The following HLCS variants were observed in gnomAD, a reference collection of about 807,000 sequenced individuals.
HLCS encodes biotin--protein ligase.
In HLCS, 53 loss-of-function variants were observed where a neutral mutation model predicts 75.0. The ratio of observed to expected loss-of-function variants is 0.71; its 90% CI spans 0.57 to 0.89. HLCS has a LOEUF of 0.89. Among genes scored for constraint, HLCS ranks in the 40% least tolerant of loss-of-function variants. The pLI, the probability that HLCS is intolerant of heterozygous loss-of-function variation, is 0.00. For missense variants in HLCS, 966 were observed against 1,074.0 expected, an observed-to-expected ratio of 0.90 and a Z score of 1.41; for synonymous variants, 431 against 428.6, an observed-to-expected ratio of 1.01 and a Z score of -0.07.
chr21:36,879,243 T>C (rs1051920997), intron 6 of HLCS, among the ~76,000 whole-genome samples: 1 of 152,240 alleles, frequency 6.6e-6, no homozygotes, highest in Non-Finnish European at 1.5e-5. Flanking sequence ...ATTCACCAAG[T>C]ATCTTCCAGA....
chr21:36,922,705 T>C (rs1191445411), intron 5 of HLCS, among the ~76,000 whole-genome samples: 1 of 152,070 alleles, frequency 6.6e-6, no homozygotes, highest in African/African-American at 2.4e-5. Context: ...ACAGGAGCGC[T>C]CTCCTTGCAC....
intron 6 of HLCS, among the ~76,000 whole-genome samples, chr21:36,767,663 G>A (rs1186111655): frequency 6.6e-6 from 1 of 151,620 alleles, no homozygotes; most frequent in Non-Finnish European, 1.5e-5. Flanking sequence ...GTGACAACTA[G>A]CAATTCCTGA....
intron 6 of HLCS, among the ~76,000 whole-genome samples, chr21:36,820,330 G>A (rs2061792855): frequency 6.6e-6 from 1 of 152,206 alleles, no homozygotes; most frequent in Non-Finnish European, 1.5e-5. Context: ...AGGGGCTGGA[G>A]CCCCACTCTC....
chr21:36,848,276 T>C (rs561745050), intron 6 of HLCS, among the ~76,000 whole-genome samples: 1 of 151,616 alleles, frequency 6.6e-6, no homozygotes, highest in East Asian at 1.9e-4. Flanking sequence ...TTGTTGTTTT[T>C]TTTTTTTTTT....
chr21:36,904,086 C>T (rs1414663674), intron 5 of HLCS, among the ~76,000 whole-genome samples: 1 of 152,160 alleles, frequency 6.6e-6, no homozygotes, highest in Non-Finnish European at 1.5e-5. Context: ...GCTAAATAAA[C>T]GTCTATTCTT....
chr21:36,821,384 A>AG (rs1345604236), intron 6 of HLCS, among the ~76,000 whole-genome samples: 2 of 152,160 alleles, frequency 1.3e-5, no homozygotes, highest in African/African-American at 4.8e-5. Context: ...ACCACTGCCA[A>AG]GAAGATGTGG....
At chr21:36,916,047 T>C (rs2065913675) in intron 5 of HLCS, among the ~76,000 whole-genome samples, 1 of 152,172 alleles carries the variant, frequency 6.6e-6, no homozygotes, top group Admixed American at 6.5e-5. Flanking sequence ...TAACAACATA[T>C]GGTCCTTGCT....
intron 5 of HLCS, among the ~76,000 whole-genome samples, chr21:36,913,545 G>A (rs553926296): frequency 6.6e-6 from 1 of 152,212 alleles, no homozygotes; most frequent in African/African-American, 2.4e-5. Flanking sequence ...CAGATCACCT[G>A]AGGCCAGGAG....
At chr21:36,864,494 C>T (rs993965115) in intron 6 of HLCS, among the ~76,000 whole-genome samples, 4 of 152,058 alleles carry the variant, frequency 2.6e-5, no homozygotes, top group African/African-American at 9.7e-5. Context: ...CAATTCCATC[C>T]TAATCCTGCT....
chr21:36,900,223 G>A (rs535862857), intron 5 of HLCS, among the ~76,000 whole-genome samples: 2 of 152,312 alleles, frequency 1.3e-5, no homozygotes, highest in Admixed American at 1.3e-4. Flanking sequence ...ACAGAAGAGA[G>A]GGAGGCCACT....
intron 6 of HLCS, among the ~76,000 whole-genome samples, chr21:36,786,090 G>T (rs142821605): frequency 5.3e-5 from 8 of 152,260 alleles, no homozygotes; most frequent in African/African-American, 1.9e-4. Flanking sequence ...AATGGGCCCA[G>T]ATGTAAAGCT....
chr21:36,860,346 C>T (rs991126392), intron 6 of HLCS, among the ~76,000 whole-genome samples: 2 of 149,938 alleles, frequency 1.3e-5, no homozygotes, highest in Non-Finnish European at 2.9e-5. Context: ...CACACCCCTC[C>T]AGGAAGCCAC....
chr21:36,775,192 C>A (rs557433682), intron 6 of HLCS, among the ~76,000 whole-genome samples: 3 of 152,216 alleles, frequency 2.0e-5, no homozygotes, highest in Admixed American at 6.5e-5. Context: ...GCCCTTCTTA[C>A]GTTTTTGGCT....
intron 5 of HLCS, among the ~76,000 whole-genome samples, chr21:36,916,330 G>A (rs919011186): frequency 2.0e-5 from 3 of 152,010 alleles, no homozygotes; most frequent in Non-Finnish European, 4.4e-5. Flanking sequence ...GCATCCGGCT[G>A]TAAGATTTTT....
chr21:36,966,421 G>GCC, intron 1 of HLCS, 23 bp downstream of exon 1: 27 of 473,744 alleles, frequency 5.7e-5, no homozygotes, highest in Non-Finnish European at 6.6e-5. Context: ...GGCCCGGGTC[G>GCC]CCCGCCCGCC....
intron 6 of HLCS, among the ~76,000 whole-genome samples, chr21:36,862,692 G>A (rs994932024): frequency 4.6e-5 from 7 of 152,188 alleles, no homozygotes; most frequent in Admixed American, 3.3e-4. Context: ...TGGTGTGGTC[G>A]CCTGTCTTTC....
At position 36,882,587 on chromosome 21, in the gene HLCS, C is replaced by T. The variant is rs148005997; in HGVS notation, c.1892+14273G>A. 6.5e-3 allele frequency among the ~76,000 whole-genome samples: 962 copies of T among 148,372 alleles called. 13 individuals carry two copies. The highest frequency in any genetic ancestry group is 0.022 in the African/African-American group (893 of 40,616). ...TCCTGAGTAGCTGGGACTATAGGTG[C>T]GTGTCACCACGCCTGGCTAATTTTC... is the stretch of plus-strand genomic sequence containing the variant. On this transcript the variant is annotated intron_variant, in intron 6 of 10. Coordinates refer to ENST00000674895, the MANE Select transcript of HLCS (RefSeq NM_001352514.2).
chr21:36,858,910 C>T (rs1003344936), intron 6 of HLCS, among the ~76,000 whole-genome samples: 3 of 152,228 alleles, frequency 2.0e-5, no homozygotes, highest in Admixed American at 6.5e-5. Context: ...AGGCTTGGGA[C>T]ATCTACAACA....
chr21:36,787,306 T>C (rs1429064260), intron 6 of HLCS, among the ~76,000 whole-genome samples: 1 of 152,014 alleles, frequency 6.6e-6, no homozygotes, highest in Non-Finnish European at 1.5e-5. Flanking sequence ...CCATTTGCAC[T>C]CCAGCACGGC....
Sources: allele counts gnomAD v4.1 joint callset (sites outside exome capture counted in the v4.1 genomes callset), GRCh38; gene constraint gnomAD v4.1.1; transcripts MANE v1.5; gene names NCBI Gene and HGNC (gene_info 2026-07-23, HGNC 2026-07-21).